The following FSTL4 variants were observed in gnomAD, a reference collection of about 807,000 sequenced individuals.
FSTL4 encodes the protein follistatin-related protein 4.
Under a neutral mutation model 78.2 loss-of-function variants are expected in FSTL4, and 28 were observed. That is an observed-to-expected ratio of 0.36 (90% CI 0.27 to 0.49). The LOEUF (loss-of-function observed/expected upper bound fraction) is 0.49. Ranked by LOEUF, FSTL4 falls within the 20% of genes least tolerant of loss-of-function variation. The pLI is 0.98. For missense variants in FSTL4, 922 were observed against 1,084.9 expected (o/e 0.85, Z 2.11); for synonymous variants, 422 against 440.5 (o/e 0.96, Z 0.53).
intron 7 of FSTL4, among the ~76,000 whole-genome samples, chr5:133,239,008 CG>C (rs1388398568): frequency 1.3e-5 from 2 of 152,168 alleles, no homozygotes; most frequent in African/African-American, 4.8e-5. Flanking sequence ...GGGCGGGAAC[CG>C]GGGCTGTGCG....
At chr5:133,416,430 T>C (rs966238112) in intron 3 of FSTL4, among the ~76,000 whole-genome samples, 38 of 152,208 alleles carry the variant, frequency 2.5e-4, no homozygotes, top group Admixed American at 1.2e-3. Context: ...ACTAGTTAAT[T>C]CTGATTACAG....
the FSTL4 span, among the ~76,000 whole-genome samples, chr5:133,669,080 T>A: frequency 1.3e-5 from 2 of 152,352 alleles, no homozygotes; most frequent in Middle Eastern, 6.8e-3. Context: ...AGAGGTAGCA[T>A]AATTGGATGC....
At chr5:133,477,046 G>A (rs1043335782) in intron 3 of FSTL4, among the ~76,000 whole-genome samples, 1 of 152,162 alleles carries the variant, frequency 6.6e-6, no homozygotes, top group Non-Finnish European at 1.5e-5. Flanking sequence ...TTGTGCCCCT[G>A]CAGCCTTATT....
chr5:133,482,865 G>C (rs1212032958), intron 3 of FSTL4, among the ~76,000 whole-genome samples: 1 of 151,596 alleles, frequency 6.6e-6, no homozygotes, highest in East Asian at 1.9e-4. Flanking sequence ...TGGGCCCCTT[G>C]CTGATAATCC....
intron 4 of FSTL4, among the ~76,000 whole-genome samples, chr5:133,334,548 T>C (rs1349259949): frequency 6.6e-6 from 1 of 152,236 alleles, no homozygotes; most frequent in African/African-American, 2.4e-5. Flanking sequence ...TACGCAGATA[T>C]GTTCTCTGTG....
chr5:133,476,210 C>A (rs1333376649), intron 3 of FSTL4, among the ~76,000 whole-genome samples: 1 of 152,152 alleles, frequency 6.6e-6, no homozygotes, highest in Non-Finnish European at 1.5e-5. Context: ...GTCTCCAAAC[C>A]TTTGGAGGCT....
intron 6 of FSTL4, among the ~76,000 whole-genome samples, chr5:133,251,967 C>T (rs1388526882): frequency 6.6e-6 from 1 of 152,144 alleles, no homozygotes; most frequent in Non-Finnish European, 1.5e-5. Context: ...TTCAAGTGAC[C>T]TCAGACAGGG....
rs76549607 is a variant in FSTL4, at chr5:133,510,996, G to T, written c.160+56190C>A. On this transcript the variant is annotated intron_variant, in intron 3 of 15. Transcript: ENST00000265342. ...TTCTTACAGTGATTTTGTAGCAACT[G>T]ATGTTTCTCTTGCTTGGTCATCTCT... Among the ~76,000 whole-genome samples the T allele has an allele frequency of 9.4e-3, 1,426 of 152,306 alleles. 51 individuals carry two copies. The East Asian group carries it at 0.12, about 13-fold the overall frequency.
chr5:133,478,277 T>C (rs182568182), intron 3 of FSTL4, among the ~76,000 whole-genome samples: 4 of 152,328 alleles, frequency 2.6e-5, no homozygotes, highest in African/African-American at 7.2e-5. Context: ...GCTACCTTCA[T>C]CTTCACGATT....
rs1561628403 is a variant in FSTL4, at chr5:133,224,258, T to TGTGATGGAGG, written c.1313-43_1313-42insCCTCCATCAC. The TGTGATGGAGG allele has an allele frequency of 2.6e-6, 4 of 1,558,328 alleles. No individual in the cohort carries two copies. In the African/African-American group the frequency reaches 5.4e-5, roughly 21 times the overall value. Reference sequence around the variant, plus strand: ...TGAGGAAAGCAGGAGTGTGATGGAGTCAAGGAAAAAGAAGAAAGCAGTGTT... The same window carrying TGTGATGGAGG: ...TGAGGAAAGCAGGAGTGTGATGGAGTGTGATGGAGGCAAGGAAAAAGAAGAAAGCAGTGTT... On this transcript the variant is annotated intron_variant, in intron 10 of 15. Transcript: ENST00000265342.
In FSTL4 at chr5:133,307,671, C is replaced by T. The variant is rs186065554; in HGVS notation, c.727+4983G>A. On this transcript the variant is annotated intron_variant, in intron 6 of 15. Coordinates refer to ENST00000265342, the MANE Select transcript of FSTL4 (RefSeq NM_015082.2). ...TCCAGCGCTGGCCTCAGGAGACTCA[C>T]GTGGAAGTGGGCTTCTTGAAGCCCT... 1.6e-3 allele frequency among the ~76,000 whole-genome samples: 250 copies of T among 152,238 alleles called. 3 individuals carry two copies. The Middle Eastern group carries it at 0.027, about 17-fold the overall frequency.
chr5:133,461,947 C>T (rs1365957854), intron 3 of FSTL4, among the ~76,000 whole-genome samples: 1 of 152,182 alleles, frequency 6.6e-6, no homozygotes, highest in South Asian at 2.1e-4. Flanking sequence ...AGCTCTAGGC[C>T]TATGCAGGTT....
At chr5:133,757,332 A>G in the FSTL4 span, among the ~76,000 whole-genome samples, 1 of 152,184 alleles carries the variant, frequency 6.6e-6, no homozygotes, top group Non-Finnish European at 1.5e-5. Flanking sequence ...CTTTTTTTCC[A>G]TACTAAGTCT....
chr5:133,699,533 T>C, the FSTL4 span, among the ~76,000 whole-genome samples: 59 of 152,268 alleles, frequency 3.9e-4, 2 homozygotes, highest in South Asian at 0.012. Flanking sequence ...AGTTAGGTAC[T>C]TCCCCAGGGA....
chr5:133,368,063 C>T (rs1049590763), intron 4 of FSTL4, among the ~76,000 whole-genome samples: 2 of 152,242 alleles, frequency 1.3e-5, no homozygotes, highest in African/African-American at 4.8e-5. Flanking sequence ...TGGCCTTTGC[C>T]CCCTGCCCCT....
chr5:133,384,365 C>T (rs545855963), intron 4 of FSTL4, among the ~76,000 whole-genome samples: 56 of 152,342 alleles, frequency 3.7e-4, no homozygotes, highest in African/African-American at 1.3e-3. Flanking sequence ...GAAGGGCTGA[C>T]ACTTTCCCAG....
chr5:133,451,387 T>G (rs1246492528), intron 3 of FSTL4, among the ~76,000 whole-genome samples: 1 of 150,370 alleles, frequency 6.7e-6, no homozygotes, highest in East Asian at 1.9e-4. Flanking sequence ...ATGGCAAAAC[T>G]CTGTCTCTAC....
intron 4 of FSTL4, among the ~76,000 whole-genome samples, chr5:133,392,361 G>A (rs1316616458): frequency 6.6e-6 from 1 of 152,152 alleles, no homozygotes; most frequent in Non-Finnish European, 1.5e-5. Context: ...AAGAGAAGGA[G>A]GGATCTACGG....
At chr5:133,811,118 T>C in the FSTL4 span, among the ~76,000 whole-genome samples, 1,809 of 152,320 alleles carry the variant, frequency 0.012, 39 homozygotes, top group African/African-American at 0.042. Context: ...GTCGTGGGCC[T>C]GTCCAGCTCT....
Sources: allele counts gnomAD v4.1 joint callset (sites outside exome capture counted in the v4.1 genomes callset), GRCh38; gene constraint gnomAD v4.1.1; transcripts MANE v1.5; gene names NCBI Gene and HGNC (gene_info 2026-07-23, HGNC 2026-07-21).